RGS22: variants seen among roughly 807,000 people sequenced by gnomAD.
RGS22 encodes the protein regulator of G protein signaling 22.
RGS22 carries 148 observed loss-of-function variants against 172.9 expected under a neutral mutation model. That is an observed-to-expected ratio of 0.86 (90% CI 0.75 to 0.98). The LOEUF is 0.98. Among genes scored for constraint, RGS22 ranks in the 50% least tolerant of loss-of-function variants. The probability of loss-of-function intolerance (pLI) is 0.00; values close to 1 mark genes in which losing one functional copy is unlikely to be tolerated. For missense variants in RGS22, 1,347 were observed against 1,440.8 expected, an observed-to-expected ratio of 0.93 and a Z score of 1.05; for synonymous variants, 458 against 480.2, an observed-to-expected ratio of 0.95 and a Z score of 0.60.
At chr8:100,032,080 C>T (rs1818880724) in intron 14 of RGS22, among the ~76,000 whole-genome samples, 1 of 152,140 alleles carries the variant, frequency 6.6e-6, no homozygotes, top group African/African-American at 2.4e-5. Context: ...ATTGCAAAGA[C>T]CATCGATGCT....
chr8:99,987,739 C>T (rs1008740248), intron 20 of RGS22, 120 bp from the exon 21 acceptor site: 35 of 581,936 alleles, frequency 6.0e-5, no homozygotes, highest in Non-Finnish European at 8.1e-5. Context: ...AATTTCACAA[C>T]ATTTTCACCT....
rs5893506 is a variant in RGS22, at chr8:100,067,621, ATTTTTTTTTTT to A, written c.595-1336_595-1326del. ...TTAACATAATTATTCCACTTTATACATTTTTTTTTTTTTTTTTTTTGGAGACAGAGTCTCAC... is the reference window on the plus strand; with the variant it reads ...TTAACATAATTATTCCACTTTATACATTTTTTTTTGGAGACAGAGTCTCAC... On this transcript the variant is annotated intron_variant, in intron 6 of 27. Transcript: ENST00000360863. Among the ~76,000 whole-genome samples, 53 of 124,480 alleles carry A rather than the reference ATTTTTTTTTTT, an allele frequency of 4.3e-4. No homozygotes were observed. The East Asian group carries it at 0.012, about 27-fold the overall frequency. The allele number at this position is 124,480 out of a possible 152,430, so 81.7% of individuals were successfully genotyped here.
intron 11 of RGS22, 145 bp from the exon 12 acceptor site, chr8:100,042,061 G>A: frequency 1.9e-6 from 1 of 519,646 alleles, no homozygotes; most frequent in South Asian, 2.2e-5. Context: ...GATAAACATC[G>A]TTCTAGCCCT....
intron 3 of RGS22, among the ~76,000 whole-genome samples, chr8:100,090,005 A>C (rs1812454518): frequency 6.6e-6 from 1 of 152,136 alleles, no homozygotes; most frequent in Non-Finnish European, 1.5e-5. Context: ...CCAATGACAG[A>C]TTTGTTTGGC....
intron 20 of RGS22, among the ~76,000 whole-genome samples, chr8:99,995,551 C>T (rs535669732): frequency 6.6e-6 from 1 of 152,142 alleles, no homozygotes; most frequent in Non-Finnish European, 1.5e-5. Flanking sequence ...CAAATCAAAA[C>T]CACAATGAGA....
chr8:99,961,992 A>T (rs1019551454), intron 27 of RGS22, among the ~76,000 whole-genome samples: 1 of 152,180 alleles, frequency 6.6e-6, no homozygotes, highest in African/African-American at 2.4e-5. Flanking sequence ...GTTAAACTCT[A>T]ACACTAGTAT....
chr8:100,028,833 C>G (rs969379346), intron 14 of RGS22, among the ~76,000 whole-genome samples: 8 of 152,108 alleles, frequency 5.3e-5, no homozygotes, highest in Non-Finnish European at 7.4e-5. Flanking sequence ...GTATTCATAC[C>G]CTTTCATAAT....
At chr8:100,101,585 G>T (rs934361329) in intron 2 of RGS22, among the ~76,000 whole-genome samples, 2 of 150,646 alleles carry the variant, frequency 1.3e-5, no homozygotes, top group African/African-American at 4.9e-5. Context: ...GAGCCACTGC[G>T]CCCAGCCCTA....
intron 23 of RGS22, among the ~76,000 whole-genome samples, chr8:99,972,610 T>G (rs1043783869): frequency 6.6e-6 from 1 of 152,160 alleles, no homozygotes; most frequent in Non-Finnish European, 1.5e-5. Flanking sequence ...CAGACACTTC[T>G]CAAAAGAAGA....
chr8:99,990,113 C>T (rs560794196), intron 20 of RGS22, among the ~76,000 whole-genome samples: 1 of 152,186 alleles, frequency 6.6e-6, no homozygotes, highest in African/African-American at 2.4e-5. Flanking sequence ...CAATCACACA[C>T]TTCTAAGGTT....
At chr8:100,083,749 C>A (rs1267673461) in intron 3 of RGS22, among the ~76,000 whole-genome samples, 1 of 152,014 alleles carries the variant, frequency 6.6e-6, no homozygotes, top group Non-Finnish European at 1.5e-5. Context: ...ACAGCAAGTC[C>A]CCTAATGAGC....
intron 3 of RGS22, among the ~76,000 whole-genome samples, chr8:100,089,234 ACG>A (rs1554638498): frequency 6.6e-6 from 1 of 151,594 alleles, no homozygotes; most frequent in African/African-American, 2.4e-5. Flanking sequence ...ACACACACAC[ACG>A]ATATTCTCAT....
chr8:100,029,716 A>AAG (rs1554619564), intron 14 of RGS22, among the ~76,000 whole-genome samples: 40 of 151,042 alleles, frequency 2.6e-4, no homozygotes, highest in Middle Eastern at 3.4e-3. Context: ...AAAAAAAAAA[A>AAG]AAAAAAAGAA....
At chr8:99,984,742 G>A (rs1379510295) in intron 21 of RGS22, among the ~76,000 whole-genome samples, 2 of 151,608 alleles carry the variant, frequency 1.3e-5, no homozygotes, top group African/African-American at 4.9e-5. Context: ...CTTGGTAGGT[G>A]CCTAATAAAT....
chr8:100,093,218 A>T (rs1441404383), intron 3 of RGS22: 4 of 420,350 alleles, frequency 9.5e-6, no homozygotes, highest in Non-Finnish European at 8.6e-6. Flanking sequence ...TTTGTACAGA[A>T]TGCTTTTTAA....
intron 15 of RGS22, 35 bp from the exon 16 acceptor site, chr8:100,006,144 G>A (rs967793424): frequency 7.8e-6 from 12 of 1,545,742 alleles, no homozygotes; most frequent in Middle Eastern, 1.7e-4. Context: ...GACATCAAGA[G>A]AATGTACAAT....
At chr8:99,973,626 T>C (rs757049505) in intron 23 of RGS22, among the ~76,000 whole-genome samples, 3 of 151,908 alleles carry the variant, frequency 2.0e-5, no homozygotes, top group Non-Finnish European at 2.9e-5. Flanking sequence ...TCCCAGCACT[T>C]TGGGAGACTG....
At chr8:100,029,120 T>C (rs888879154) in intron 14 of RGS22, among the ~76,000 whole-genome samples, 1 of 152,160 alleles carries the variant, frequency 6.6e-6, no homozygotes, top group Non-Finnish European at 1.5e-5. Context: ...TGTGTTACCC[T>C]GATGTCCAAT....
intron 4 of RGS22, among the ~76,000 whole-genome samples, chr8:100,075,250 C>G (rs1052934675): frequency 5.9e-5 from 9 of 152,070 alleles, no homozygotes; most frequent in African/African-American, 1.9e-4. Flanking sequence ...GAGCGAATCC[C>G]TCATGAATGT....
Sources: gnomAD v4.1 joint callset for allele counts (sites outside exome capture counted in the v4.1 genomes callset) on GRCh38, gnomAD v4.1.1 for gene constraint, MANE v1.5 for transcripts, NCBI Gene and HGNC (gene_info 2026-07-23, HGNC 2026-07-21) for gene names.